Variants in HIVEP3 observed in about 807,000 individuals in gnomAD.
HIVEP3 encodes transcription factor HIVEP3.
Under a neutral mutation model 152.8 loss-of-function variants are expected in HIVEP3, and 49 were observed. The ratio of observed to expected loss-of-function variants is 0.32; its 90% CI spans 0.26 to 0.41. The LOEUF (loss-of-function observed/expected upper bound fraction) is 0.41, where lower values mean the gene tolerates loss of function less well. Ranked by LOEUF, HIVEP3 falls within the 10% of genes least tolerant of loss-of-function variation. The pLI is 1.00. For missense variants in HIVEP3, 2,790 were observed against 3,103.3 expected (o/e 0.90, Z 2.40); for synonymous variants, 1,269 against 1,289.0 (o/e 0.98, Z 0.33).
At chr1:41,967,873 C>T (rs565265013) in intron 1 of HIVEP3, among the ~76,000 whole-genome samples, 1 of 152,218 alleles carries the variant, frequency 6.6e-6, no homozygotes, top group South Asian at 2.1e-4. Context: ...TCACAGACCC[C>T]ACAAAAATAC....
intron 1 of HIVEP3, among the ~76,000 whole-genome samples, chr1:41,804,393 G>A (rs1011115831): frequency 2.0e-5 from 3 of 152,184 alleles, no homozygotes; most frequent in South Asian, 2.1e-4. Flanking sequence ...GCAGGCACAC[G>A]GGCTTGTTTA....
intron 2 of HIVEP3, among the ~76,000 whole-genome samples, chr1:41,673,192 C>T (rs924323370): frequency 1.1e-4 from 17 of 152,324 alleles, no homozygotes; most frequent in African/African-American, 4.1e-4. Flanking sequence ...CTGGAACAGC[C>T]GGCTAGCTGC....
intron 1 of HIVEP3, among the ~76,000 whole-genome samples, chr1:41,997,071 A>G (rs57720232): frequency 0.013 from 1,910 of 152,324 alleles, 37 homozygotes; most frequent in African/African-American, 0.045. Context: ...CTTTTGCCAT[A>G]TAAGGTAACA....
chr1:41,671,316 G>C (rs1488881749), intron 2 of HIVEP3, among the ~76,000 whole-genome samples: 1 of 152,248 alleles, frequency 6.6e-6, no homozygotes, highest in Admixed American at 6.5e-5. Flanking sequence ...CCGAAGCCTA[G>C]ATGAAGTCGC....
intron 2 of HIVEP3, among the ~76,000 whole-genome samples, chr1:41,695,626 T>TG (rs938632137): frequency 7.9e-5 from 12 of 152,130 alleles, no homozygotes; most frequent in Non-Finnish European, 1.5e-4. Flanking sequence ...TGCCCAGATT[T>TG]GGGGGGTCAG....
chr1:41,705,383 G>A (rs1355108938), intron 1 of HIVEP3, among the ~76,000 whole-genome samples: 1 of 152,184 alleles, frequency 6.6e-6, no homozygotes, highest in Non-Finnish European at 1.5e-5. Context: ...ACCAGCCTGT[G>A]CCATCCACAC....
Position 41,585,155 on chromosome 1 carries a change from G to A in HIVEP3, c.-358C>T, listed in dbSNP as rs1006969344. On this transcript the variant is annotated 5_prime_UTR_variant, in exon 4 of 9. It adds an upstream start codon to the 5' untranslated region. Coordinates refer to ENST00000372583, the MANE Select transcript of HIVEP3 (RefSeq NM_024503.5). ...GGCAGGTGGCCCCCACGAGTCCCCC[G>A]TGTGCTATGCAAACGGTTGAAGGTT... is the stretch of plus-strand genomic sequence containing the variant. The A allele has an allele frequency of 7.5e-5, 30 of 399,900 alleles. No homozygotes were observed. Among genetic ancestry groups the A allele is most frequent in the South Asian group, 1.3e-4 (1 of 7,508 alleles). 24.8% of individuals were successfully genotyped at this position (399,900 alleles called of 1,614,324 possible). A position where few individuals can be genotyped will look rare whatever the true frequency, so the allele number is the denominator to read the frequency against.
intron 2 of HIVEP3, among the ~76,000 whole-genome samples, chr1:41,669,981 T>A (rs1645849668): frequency 6.6e-6 from 1 of 152,108 alleles, no homozygotes; most frequent in Non-Finnish European, 1.5e-5. Flanking sequence ...GTCTCACATC[T>A]CCAACAACTC....
chr1:41,883,419 GT>G (rs1644293695), intron 1 of HIVEP3, among the ~76,000 whole-genome samples: 1 of 152,186 alleles, frequency 6.6e-6, no homozygotes, highest in South Asian at 2.1e-4. Flanking sequence ...CAGCATAAGA[GT>G]GAAACGGGGT....
chr1:41,954,167 C>A (rs970498453), intron 1 of HIVEP3, among the ~76,000 whole-genome samples: 5 of 152,136 alleles, frequency 3.3e-5, no homozygotes, highest in Non-Finnish European at 7.4e-5. Flanking sequence ...TCCTCAAATT[C>A]CCCAGGACAG....
At chr1:41,968,242 CAA>C (rs576530738) in intron 1 of HIVEP3, among the ~76,000 whole-genome samples, 2 of 136,396 alleles carry the variant, frequency 1.5e-5, no homozygotes, top group Admixed American at 7.4e-5. Flanking sequence ...GGCAGAGATA[CAA>C]AAAAAAAAAG....
At chr1:41,808,783 A>T (rs181497090) in intron 1 of HIVEP3, among the ~76,000 whole-genome samples, 9 of 152,358 alleles carry the variant, frequency 5.9e-5, no homozygotes, top group African/African-American at 1.9e-4. Context: ...TACTTAAAAT[A>T]GGTTTATTCA....
chr1:41,840,328 G>C (rs975700793), intron 1 of HIVEP3, among the ~76,000 whole-genome samples: 3 of 152,206 alleles, frequency 2.0e-5, no homozygotes, highest in Non-Finnish European at 4.4e-5. Context: ...AAGGAGAGGA[G>C]AGACACATGC....
intron 5 of HIVEP3, among the ~76,000 whole-genome samples, chr1:41,528,212 CCTT>C (rs1375850917): frequency 7.2e-6 from 1 of 139,478 alleles, no homozygotes; most frequent in Non-Finnish European, 1.6e-5. Context: ...TGCCCTCACA[CCTT>C]CACACTCCAC....
chr1:41,930,547 G>A (rs1303708811), intron 1 of HIVEP3, among the ~76,000 whole-genome samples: 1 of 152,082 alleles, frequency 6.6e-6, no homozygotes, highest in East Asian at 1.9e-4. Flanking sequence ...TCCAGTTTGG[G>A]TGTTTATGTG....
chr1:41,862,183 AG>A (rs1481562734), intron 1 of HIVEP3, among the ~76,000 whole-genome samples: 1 of 152,164 alleles, frequency 6.6e-6, no homozygotes, highest in Non-Finnish European at 1.5e-5. Flanking sequence ...CTCATTTCAA[AG>A]GGGAGTTAAC....
chr1:41,596,797 C>A (rs1338890463), intron 3 of HIVEP3, among the ~76,000 whole-genome samples: 1 of 152,106 alleles, frequency 6.6e-6, no homozygotes, highest in African/African-American at 2.4e-5. Context: ...CCCCCAAGGG[C>A]CCTGATCTTG....
At chr1:41,860,629 C>T (rs541097166) in intron 1 of HIVEP3, among the ~76,000 whole-genome samples, 13 of 152,192 alleles carry the variant, frequency 8.5e-5, no homozygotes, top group Non-Finnish European at 1.9e-4. Flanking sequence ...GTATCTGACG[C>T]CCTCCTTTTG....
At position 41,886,478 on chromosome 1, in the gene HIVEP3, C is replaced by T. The variant is rs552442641; in HGVS notation, c.-801+31935G>A. On this transcript the variant is annotated intron_variant, in intron 1 of 8. Coordinates refer to ENST00000372583, the MANE Select transcript of HIVEP3 (RefSeq NM_024503.5). ...CTGTCATCCCAGCATTTTGTGACACCGAGGCAGGCGGATCCTCTGAGGTCG... is the reference window on the plus strand; with the variant it reads ...CTGTCATCCCAGCATTTTGTGACACTGAGGCAGGCGGATCCTCTGAGGTCG... Among the ~76,000 whole-genome samples the T allele has an allele frequency of 1.1e-4, 16 of 152,010 alleles. 1 individual carries two copies. The South Asian group carries it at 1.5e-3, about 14-fold the overall frequency.
Sources: allele counts gnomAD v4.1 joint callset (sites outside exome capture counted in the v4.1 genomes callset), GRCh38; gene constraint gnomAD v4.1.1; transcripts MANE v1.5; gene names NCBI Gene and HGNC (gene_info 2026-07-23, HGNC 2026-07-21).